WAC: variants seen among roughly 807,000 people sequenced by gnomAD.
WAC encodes WW domain containing adaptor with coiled-coil, also known as WW domain-containing adapter protein with coiled-coil.
A neutral mutation model predicts 79.6 loss-of-function variants in WAC; 11 were observed. That is an observed-to-expected ratio of 0.14 (90% CI 0.09 to 0.23). The LOEUF (loss-of-function observed/expected upper bound fraction) is 0.23, where lower values mean the gene tolerates loss of function less well. Among genes scored for constraint, WAC ranks in the 10% least tolerant of loss-of-function variants. The probability of loss-of-function intolerance (pLI) is 1.00; values close to 1 mark genes in which losing one functional copy is unlikely to be tolerated. For missense variants in WAC, 728 were observed against 773.5 expected (o/e 0.94, Z 0.70); for synonymous variants, 304 against 276.9 (o/e 1.10, Z -0.97).
intron 1 of WAC, 55 bp downstream of exon 1, chr10:28,533,675 G>T: frequency 6.6e-7 from 1 of 1,505,910 alleles, no homozygotes; most frequent in South Asian, 1.2e-5. Context: ...CGGCGGGGGG[G>T]CTGTTCCTCC....
intron 3 of WAC, among the ~76,000 whole-genome samples, chr10:28,582,374 C>A (rs1245034766): frequency 1.3e-5 from 2 of 152,170 alleles, no homozygotes; most frequent in Non-Finnish European, 2.9e-5. Context: ...ACCTTATAGT[C>A]ATCATCTGTC....
In WAC at chr10:28,607,290, T is replaced by C. The variant is rs150576063; in HGVS notation, c.920-896T>C. 4.6e-5 allele frequency among the ~76,000 whole-genome samples: 7 copies of C among 152,306 alleles called. No individual in the cohort carries two copies. In the East Asian group the frequency reaches 1.4e-3, roughly 29 times the overall value. The stretch of plus-strand genomic sequence containing the variant: ...AAAGTTCAGTCTACCTTTAACTGGC[T>C]TTGTTTTAAATGTAAGTTTTTATAT... On this transcript the variant is annotated intron_variant, in intron 7 of 13. Transcript: ENST00000354911.
In WAC at chr10:28,540,363, G is replaced by A. The variant is rs577915226; in HGVS notation, c.274+4606G>A. On this transcript the variant is annotated intron_variant, in intron 3 of 13. Transcript: ENST00000354911. ...GGGTATTGAAAGCTTATTTGGTGGTGGTTACTATGGCATGAATTAGTTTGA... is the reference window on the plus strand; with the variant it reads ...GGGTATTGAAAGCTTATTTGGTGGTAGTTACTATGGCATGAATTAGTTTGA... Among the ~76,000 whole-genome samples, 5 of 152,206 alleles carry A rather than the reference G, an allele frequency of 3.3e-5. No individual in the cohort carries two copies. In the South Asian group the frequency reaches 6.2e-4, roughly 19 times the overall value.
chr10:28,611,660 G>C, intron 9 of WAC, 114 bp from the exon 10 acceptor site: 2 of 1,352,618 alleles, frequency 1.5e-6, no homozygotes, highest in Non-Finnish European at 2.0e-6. Context: ...GGGTAATATG[G>C]GGGTGGGGGG....
intron 12 of WAC, among the ~76,000 whole-genome samples, chr10:28,617,341 C>CA (rs1841516186): frequency 6.6e-6 from 1 of 152,182 alleles, no homozygotes; most frequent in South Asian, 2.1e-4. Context: ...GCAGAAATGA[C>CA]AATCTCTTTG....
chr10:28,557,561 G>T (rs1838062735), intron 3 of WAC, among the ~76,000 whole-genome samples: 1 of 152,098 alleles, frequency 6.6e-6, no homozygotes, highest in African/African-American at 2.4e-5. Context: ...GGGTGTGGTG[G>T]TGTGCCCCTA....
intron 3 of WAC, among the ~76,000 whole-genome samples, chr10:28,563,426 A>G (rs1564388026): frequency 6.6e-6 from 1 of 152,180 alleles, no homozygotes; most frequent in Non-Finnish European, 1.5e-5. Flanking sequence ...AAAATGCTAT[A>G]TTTTGTAACA....
At chr10:28,563,906 C>T (rs1470194045) in intron 3 of WAC, among the ~76,000 whole-genome samples, 2 of 151,748 alleles carry the variant, frequency 1.3e-5, no homozygotes, top group Non-Finnish European at 2.9e-5. Flanking sequence ...GCTTAGTATA[C>T]AGTATTTTTA....
chr10:28,537,527 A>C (rs1019017710), intron 3 of WAC: 1 of 152,202 alleles, frequency 6.6e-6, no homozygotes. Flanking sequence ...TCAGTTTTTC[A>C]GTTATAAATG....
chr10:28,541,374 A>T (rs892450323), intron 3 of WAC, among the ~76,000 whole-genome samples: 9 of 143,086 alleles, frequency 6.3e-5, no homozygotes, highest in Non-Finnish European at 1.4e-4. Flanking sequence ...TGTCAATTTG[A>T]TAATTACAAA....
At chr10:28,571,775 T>G (rs1428084810) in intron 3 of WAC, among the ~76,000 whole-genome samples, 1 of 152,242 alleles carries the variant, frequency 6.6e-6, no homozygotes, top group Non-Finnish European at 1.5e-5. Flanking sequence ...GAGACACCTA[T>G]GTGTATGCAG....
intron 4 of WAC, 61 bp downstream of exon 4, chr10:28,583,566 A>AAT: frequency 8.0e-7 from 1 of 1,247,266 alleles, no homozygotes; most frequent in South Asian, 1.5e-5. Context: ...AAAAAAAAAA[A>AAT]AATACAACCC....
At chr10:28,538,086 T>C (rs1836779136) in intron 3 of WAC, among the ~76,000 whole-genome samples, 1 of 152,248 alleles carries the variant, frequency 6.6e-6, no homozygotes, top group South Asian at 2.1e-4. Context: ...CATTCTGGAA[T>C]TGAGAGTACA....
chr10:28,610,988 T>G (rs1841213737), intron 9 of WAC, 167 bp downstream of exon 9: 2 of 713,344 alleles, frequency 2.8e-6, no homozygotes, highest in Non-Finnish European at 4.3e-6. Context: ...TACAGTAGTA[T>G]TTTTATTTCC....
At chr10:28,579,373 C>G (rs1364022480) in intron 3 of WAC, among the ~76,000 whole-genome samples, 1 of 152,098 alleles carries the variant, frequency 6.6e-6, no homozygotes, top group Non-Finnish European at 1.5e-5. Flanking sequence ...CTGTCTCTCA[C>G]CAGCATGTAT....
At chr10:28,619,340 A>G (rs1203316203) in intron 13 of WAC, among the ~76,000 whole-genome samples, 197 bp from the exon 14 acceptor site, 1 of 152,188 alleles carries the variant, frequency 6.6e-6, no homozygotes, top group Non-Finnish European at 1.5e-5. Context: ...TCATCCTTAT[A>G]CTTTAATAGA....
Position 28,616,259 on chromosome 10 carries a change from C to G in WAC, c.1643C>G (p.Ser548Cys). The G allele has an allele frequency of 6.2e-7, 1 of 1,614,048 alleles. No individual in the cohort carries two copies. The highest frequency in any genetic ancestry group is 8.5e-7 in the Non-Finnish European group (1 of 1,179,968). Residue 548 changes from serine (S) to cysteine (C), a missense_variant, in exon 12 of 14, where the codon TCT (serine) becomes TGT (cysteine). Physicochemically the swap from Ser to Cys is moderately radical, Grantham distance 112. This residue lies in a region of WAC where 648 missense variants were observed against 661.5 expected (regional missense o/e 0.98). Coordinates refer to ENST00000354911, the MANE Select transcript of WAC (RefSeq NM_016628.5). Reference protein sequence around the residue: ...SNATVVPQNSSARSTCSLTPA... With the variant: ...SNATVVPQNSCARSTCSLTPA... Reference sequence around the variant, plus strand: ...GCAACAGTTGTACCACAGAATTCTTCTGCCCGATCCACGTGTTCATTAACG... The same window carrying G: ...GCAACAGTTGTACCACAGAATTCTTGTGCCCGATCCACGTGTTCATTAACG...
chr10:28,558,194 A>T (rs2132467568), intron 3 of WAC, among the ~76,000 whole-genome samples: 1 of 152,324 alleles, frequency 6.6e-6, no homozygotes, highest in South Asian at 2.1e-4. Flanking sequence ...ATCTTTAGAG[A>T]GAAAACTTTG....
At position 28,559,136 on chromosome 10, in the gene WAC, A is replaced by ATTGTG. The variant is rs1554780979; in HGVS notation, c.274+23380_274+23381insTGTGT. Among the ~76,000 whole-genome samples, 6 of 146,762 alleles carry ATTGTG rather than the reference A, an allele frequency of 4.1e-5. No homozygotes were observed. The South Asian group carries it at 6.7e-4, about 16-fold the overall frequency. ...TAAATCTCTGCTCTCGAGAAACCTGATGTGTGTGTGTGTGTGTGTGTGTGT... is the reference window on the plus strand; with the variant it reads ...TAAATCTCTGCTCTCGAGAAACCTGATTGTGTGTGTGTGTGTGTGTGTGTGTGTGT... On this transcript the variant is annotated intron_variant, in intron 3 of 13. Transcript: ENST00000354911.
Sources: gnomAD v4.1 joint callset for allele counts (sites outside exome capture counted in the v4.1 genomes callset) on GRCh38, gnomAD v4.1.1 for gene constraint, gnomAD v4.1.1 regional missense constraint, MANE v1.5 for transcripts, NCBI Gene and HGNC (gene_info 2026-07-23, HGNC 2026-07-21) for gene names.